ACOXL: variants seen among roughly 807,000 people sequenced by gnomAD.
ACOXL encodes acyl-CoA oxidase like.
ACOXL carries 70 observed loss-of-function variants against 71.9 expected under a neutral mutation model. The observed-to-expected ratio is 0.97, with a 90% CI of 0.80 to 1.19. The LOEUF (loss-of-function observed/expected upper bound fraction) is 1.19. Ranked by LOEUF, ACOXL falls within the 50% of genes most tolerant of loss-of-function variation. The pLI, the probability that ACOXL is intolerant of heterozygous loss-of-function variation, is 0.00. For missense variants in ACOXL, 703 were observed against 736.3 expected (o/e 0.95, Z 0.52); for synonymous variants, 253 against 281.6 (o/e 0.90, Z 1.02).
At chr2:110,944,855 T>G (rs1009221585) in intron 12 of ACOXL, among the ~76,000 whole-genome samples, 1 of 152,232 alleles carries the variant, frequency 6.6e-6, no homozygotes, top group African/African-American at 2.4e-5. Flanking sequence ...TATTTGGACA[T>G]ATAACCAATA....
chr2:110,838,186 C>T (rs552563499), intron 9 of ACOXL, among the ~76,000 whole-genome samples: 1 of 152,290 alleles, frequency 6.6e-6, no homozygotes, highest in African/African-American at 2.4e-5. Flanking sequence ...CATGTATGCA[C>T]ATGTGAATAA....
chr2:110,978,806 C>CT (rs3838227), intron 12 of ACOXL, among the ~76,000 whole-genome samples: 42,404 of 151,994 alleles, frequency 0.28, 6,658 homozygotes, highest in African/African-American at 0.41. Flanking sequence ...TTGTAACAAA[C>CT]TAAGTAGAAT....
chr2:110,925,217 T>A (rs2060225426), intron 11 of ACOXL, among the ~76,000 whole-genome samples: 1 of 152,208 alleles, frequency 6.6e-6, no homozygotes. Context: ...TTAGGATTTT[T>A]GAAATAGTAA....
At chr2:111,015,666 G>A (rs1309501198) in intron 14 of ACOXL, among the ~76,000 whole-genome samples, 2 of 152,134 alleles carry the variant, frequency 1.3e-5, no homozygotes, top group Non-Finnish European at 2.9e-5. Flanking sequence ...GACTTGTACA[G>A]GAATGCTCAT....
chr2:111,030,932 T>C (rs1463919789), intron 14 of ACOXL, among the ~76,000 whole-genome samples: 1 of 152,198 alleles, frequency 6.6e-6, no homozygotes, highest in Non-Finnish European at 1.5e-5. Context: ...CTCTGTGCCT[T>C]CTTCATTCTT....
At chr2:111,102,654 A>T (rs1433930512) in intron 17 of ACOXL, among the ~76,000 whole-genome samples, 1 of 152,128 alleles carries the variant, frequency 6.6e-6, no homozygotes, top group African/African-American at 2.4e-5. Flanking sequence ...CACAAAAAAA[A>T]AAGACCTCTC....
chr2:110,874,760 A>G (rs926386773), intron 10 of ACOXL, among the ~76,000 whole-genome samples: 71 of 152,284 alleles, frequency 4.7e-4, no homozygotes, highest in African/African-American at 1.7e-3. Context: ...CTTGTGTTTT[A>G]GAATGATTGG....
intron 9 of ACOXL, among the ~76,000 whole-genome samples, chr2:110,825,525 C>T (rs1163662497): frequency 2.0e-5 from 3 of 152,072 alleles, no homozygotes; most frequent in Non-Finnish European, 4.4e-5. Context: ...AAGTGGACGT[C>T]CTCCGGCTTT....
intron 14 of ACOXL, among the ~76,000 whole-genome samples, chr2:111,020,377 AG>A (rs2064692450): frequency 6.6e-6 from 1 of 152,174 alleles, no homozygotes. Context: ...GGGAGCTCCC[AG>A]GAGGATGCCT....
rs777119936 is a variant in ACOXL at position 110,784,202 on chromosome 2, G to A, written c.76-530G>A. Among the ~76,000 whole-genome samples, 5 of 151,878 alleles carry A rather than the reference G, an allele frequency of 3.3e-5. No homozygotes were observed. In the East Asian group the frequency reaches 5.8e-4, roughly 18 times the overall value. On this transcript the variant is annotated intron_variant, in intron 2 of 17. Coordinates refer to ENST00000439055, the MANE Select transcript of ACOXL (RefSeq NM_001142807.4). ...CTTGGGAGGCTGAGCCAGGATGATC[G>A]TTTGAGCCCAGAAGTTCATGTACAG...
intron 10 of ACOXL, among the ~76,000 whole-genome samples, chr2:110,871,554 G>T (rs1026289174): frequency 6.6e-6 from 1 of 152,092 alleles, no homozygotes; most frequent in Non-Finnish European, 1.5e-5. Flanking sequence ...TGGGGATGTG[G>T]CTCAACAGGA....
At chr2:110,924,539 T>C (rs2060200476) in intron 11 of ACOXL, among the ~76,000 whole-genome samples, 1 of 152,208 alleles carries the variant, frequency 6.6e-6, no homozygotes, top group Non-Finnish European at 1.5e-5. Flanking sequence ...GTAGATTCTA[T>C]CTCAAGAAAC....
intron 14 of ACOXL, chr2:111,016,851 T>A (rs889044845): frequency 6.6e-6 from 1 of 151,650 alleles, no homozygotes; most frequent in African/African-American, 2.4e-5. Context: ...CCCTAGAGAG[T>A]CTGGATATTC....
intron 10 of ACOXL, among the ~76,000 whole-genome samples, chr2:110,856,895 T>C (rs1368503333): frequency 6.6e-6 from 1 of 152,210 alleles, no homozygotes; most frequent in African/African-American, 2.4e-5. Flanking sequence ...TCCAAGGACA[T>C]TGATTTTTCT....
intron 10 of ACOXL, among the ~76,000 whole-genome samples, chr2:110,897,228 G>A (rs867155417): frequency 1.3e-5 from 2 of 152,318 alleles, no homozygotes; most frequent in African/African-American, 4.8e-5. Context: ...AGCTAAAGCA[G>A]TGCTGAGAGG....
chr2:110,803,171 C>T (rs1306598452), intron 8 of ACOXL, among the ~76,000 whole-genome samples: 1 of 152,192 alleles, frequency 6.6e-6, no homozygotes, highest in African/African-American at 2.4e-5. Context: ...CAGGCCCCCT[C>T]AGGACCACCA....
At chr2:111,089,072 A>G (rs12711844) in intron 16 of ACOXL, among the ~76,000 whole-genome samples, 104,541 of 151,936 alleles carry the variant, frequency 0.69, 36,027 homozygotes, top group East Asian at 0.76. Flanking sequence ...AGGCCGAGGC[A>G]GGTGGATCAC....
At chr2:111,001,647 A>G (rs2063635148) in intron 14 of ACOXL, among the ~76,000 whole-genome samples, 1 of 152,190 alleles carries the variant, frequency 6.6e-6, no homozygotes, top group African/African-American at 2.4e-5. Flanking sequence ...TTGGAGTAAG[A>G]GTGTATATAA....
At chr2:111,053,259 G>A (rs1229414870) in intron 16 of ACOXL, among the ~76,000 whole-genome samples, 2 of 152,214 alleles carry the variant, frequency 1.3e-5, no homozygotes, top group African/African-American at 2.4e-5. Context: ...GCGCTGCCAA[G>A]TGAACTTGCT....
Sources: allele counts gnomAD v4.1 joint callset (sites outside exome capture counted in the v4.1 genomes callset), GRCh38; gene constraint gnomAD v4.1.1; transcripts MANE v1.5; gene names NCBI Gene and HGNC (gene_info 2026-07-23, HGNC 2026-07-21).